HNRNPH1: variants seen among roughly 807,000 people sequenced by gnomAD.
HNRNPH1 encodes heterogeneous nuclear ribonucleoprotein H.
Under a neutral mutation model 58.6 loss-of-function variants are expected in HNRNPH1, and 4 were observed. That is an observed-to-expected ratio of 0.07 (90% CI 0.03 to 0.16). The LOEUF is 0.16. Among genes scored for constraint, HNRNPH1 ranks in the 10% least tolerant of loss-of-function variants. The pLI is 1.00. For synonymous variants in HNRNPH1, 192 were observed against 189.2 expected, an observed-to-expected ratio of 1.01 and a Z score of -0.12; for missense variants, 271 against 564.2, an observed-to-expected ratio of 0.48 and a Z score of 5.26.
At chr5:179,622,621 G>A (rs1773044150) in intron 1 of HNRNPH1, among the ~76,000 whole-genome samples, 2 of 152,324 alleles carry the variant, frequency 1.3e-5, no homozygotes, top group South Asian at 4.1e-4. Flanking sequence ...TGAGGCAGGA[G>A]AATCGCTTGA....
At chr5:179,621,122 G>T in intron 2 of HNRNPH1, 87 bp from the exon 4 acceptor site, 1 of 1,520,886 alleles carries the variant, frequency 6.6e-7, no homozygotes, top group Non-Finnish European at 9.1e-7. Flanking sequence ...GCTAGGAAGA[G>T]CTGCCACAAA....
chr5:179,631,420 T>C (rs1375719733), intron 2 of HNRNPH1, among the ~76,000 whole-genome samples: 2 of 152,140 alleles, frequency 1.3e-5, no homozygotes, highest in Non-Finnish European at 2.9e-5. Flanking sequence ...AAGACCAGCC[T>C]GGGCAACATA....
chr5:179,620,433 A>G (rs190541159), intron 3 of HNRNPH1, among the ~76,000 whole-genome samples: 2 of 152,374 alleles, frequency 1.3e-5, no homozygotes, highest in East Asian at 3.9e-4. Context: ...CAAGTCTTTC[A>G]TAAACCGACT....
At chr5:179,622,341 AT>A (rs1772855553) in intron 1 of HNRNPH1, among the ~76,000 whole-genome samples, 1 of 152,220 alleles carries the variant, frequency 6.6e-6, no homozygotes, top group African/African-American at 2.4e-5. Context: ...AAACATTACT[AT>A]TATTTGTCTA....
intron 3 of HNRNPH1, chr5:179,619,839 T>A: frequency 6.6e-6 from 1 of 152,576 alleles, no homozygotes; most frequent in Non-Finnish European, 1.5e-5. Context: ...ATTTACAACA[T>A]TTCATATAAA....
At chr5:179,621,956 G>A (rs1182688601) in intron 1 of HNRNPH1, 1 of 456,314 alleles carries the variant, frequency 2.2e-6, no homozygotes, top group Admixed American at 2.3e-5. Context: ...TTGTTTTACA[G>A]GTCGCTTTCC....
At chr5:179,621,654 T>C (rs1772399086) in intron 1 of HNRNPH1, 4 of 503,718 alleles carry the variant, frequency 7.9e-6, no homozygotes, top group South Asian at 4.6e-5. Flanking sequence ...CTTTAGTCCT[T>C]GCTACTCATG....
At chr5:179,633,286 C>A (rs1445893031) in intron 2 of HNRNPH1, among the ~76,000 whole-genome samples, 6 of 116,346 alleles carry the variant, frequency 5.2e-5, no homozygotes, top group Non-Finnish European at 1.1e-4. Context: ...CCACCACGCC[C>A]GGCCTGTTTG....
chr5:179,614,819 G>C (rs969675817), exon 13 of HNRNPH1: 7 of 824,884 alleles, frequency 8.5e-6, no homozygotes, highest in African/African-American at 7.2e-5. Context: ...TTGACCAAGA[G>C]TCAGTGATCA....
chr5:179,633,918 T>C (rs1029462785), intron 2 of HNRNPH1: 4 of 66,880 alleles, frequency 6.0e-5, no homozygotes, highest in Non-Finnish European at 1.3e-4. Context: ...ACTCCGTCTC[T>C]AAAATAAATA....
chr5:179,615,913 A>C (rs905114861), intron 11 of HNRNPH1: 11 of 531,058 alleles, frequency 2.1e-5, no homozygotes, highest in Non-Finnish European at 3.3e-5. Context: ...ATTGTTTCTG[A>C]AAATTAGCTA....
At chr5:179,615,296 T>A (rs868485624) in intron 12 of HNRNPH1, 2 of 449,924 alleles carry the variant, frequency 4.4e-6, no homozygotes, top group East Asian at 3.3e-5. Context: ...TTAAAAAAAA[T>A]TTAACATAAA....
intron 2 of HNRNPH1, among the ~76,000 whole-genome samples, chr5:179,633,461 A>ATTTTTTTTTTTT (rs762139490): frequency 5.4e-4 from 55 of 102,574 alleles, no homozygotes; most frequent in African/African-American, 1.4e-3. Context: ...CACCCGGCTA[A>ATTTTTTTTTTTT]TTTTTTTTTT....
At chr5:179,618,095 C>T in intron 5 of HNRNPH1, 35 bp from the exon 7 acceptor site, 3 of 1,613,528 alleles carry the variant, frequency 1.9e-6, no homozygotes, top group South Asian at 1.1e-5. Flanking sequence ...AAATAAAACA[C>T]CTAGACAAAG....
chr5:179,633,401 T>C (rs1005770154), intron 2 of HNRNPH1, among the ~76,000 whole-genome samples: 2 of 151,086 alleles, frequency 1.3e-5, no homozygotes, highest in Admixed American at 6.6e-5. Flanking sequence ...GTTCACGCCA[T>C]TCTCCTGCCT....
chr5:179,616,769 T>C, intron 10 of HNRNPH1, 100 bp downstream of exon 11: 1 of 1,065,502 alleles, frequency 9.4e-7, no homozygotes, highest in Admixed American at 2.3e-5. Flanking sequence ...TTGCCTAAGT[T>C]TCTTATGCTA....
chr5:179,615,496 C>CAT (rs766806957), intron 12 of HNRNPH1, 50 bp downstream of exon 13: 1 of 988,458 alleles, frequency 1.0e-6, no homozygotes, highest in Non-Finnish European at 1.6e-6. Flanking sequence ...ATTATTACAA[C>CAT]ATATCAGTAT....
intron 7 of HNRNPH1, 23 bp from the exon 9 acceptor site, chr5:179,617,672 G>C (rs767425946): frequency 1.9e-6 from 3 of 1,608,604 alleles, no homozygotes; most frequent in Non-Finnish European, 2.5e-6. Flanking sequence ...GCATTTCAAA[G>C]AATTCAACCA....
intron 1 of HNRNPH1, chr5:179,621,698 A>C (rs1469367140): frequency 4.8e-6 from 2 of 413,396 alleles, no homozygotes; most frequent in South Asian, 2.3e-5. Context: ...ATTTCTCAGA[A>C]GATTATCAAG....
Sources: gnomAD v4.1 joint callset for allele counts (sites outside exome capture counted in the v4.1 genomes callset) on GRCh38, gnomAD v4.1.1 for gene constraint, MANE v1.5 for transcripts, NCBI Gene and HGNC (gene_info 2026-07-23, HGNC 2026-07-21) for gene names.